TUSC3: variants seen among roughly 807,000 people sequenced by gnomAD.
The protein encoded by TUSC3 is tumor suppressor candidate 3.
A neutral mutation model predicts 44.8 loss-of-function variants in TUSC3; 45 were observed. That is an observed-to-expected ratio of 1.00 (90% CI 0.79 to 1.29). The LOEUF is 1.29. Among genes scored for constraint, TUSC3 ranks in the 50% most tolerant of loss-of-function variants. The pLI is 0.00. For synonymous variants in TUSC3, 212 were observed against 152.9 expected (o/e 1.39, Z -2.85); for missense variants, 519 against 437.9 (o/e 1.19, Z -1.65).
intron 2 of TUSC3, among the ~76,000 whole-genome samples, chr8:15,508,599 C>A (rs1801091233): frequency 6.6e-6 from 1 of 150,380 alleles, no homozygotes; most frequent in South Asian, 2.1e-4. Flanking sequence ...GTAGCTGGGA[C>A]TACAGGCGCC....
At chr8:15,844,976 A>C in the TUSC3 span, among the ~76,000 whole-genome samples, 2 of 152,192 alleles carry the variant, frequency 1.3e-5, no homozygotes, top group Admixed American at 1.3e-4. Flanking sequence ...CAAAATAATA[A>C]GAAAACTTAA....
intron 1 of TUSC3, among the ~76,000 whole-genome samples, chr8:15,449,160 T>C (rs1457495910): frequency 2.0e-5 from 3 of 152,172 alleles, no homozygotes. Flanking sequence ...TGAAAACAGG[T>C]ATTTCCAGAG....
chr8:15,510,109 G>A (rs1351107250), intron 2 of TUSC3, among the ~76,000 whole-genome samples: 2 of 152,140 alleles, frequency 1.3e-5, no homozygotes, highest in African/African-American at 2.4e-5. Context: ...AGAGTTCAAG[G>A]TTACAGTGAG....
At chr8:15,519,383 T>C (rs1342254753) in intron 2 of TUSC3, among the ~76,000 whole-genome samples, 1 of 152,162 alleles carries the variant, frequency 6.6e-6, no homozygotes, top group Non-Finnish European at 1.5e-5. Flanking sequence ...TCAACAAGCT[T>C]ATTACTCATA....
intron 1 of TUSC3, among the ~76,000 whole-genome samples, chr8:15,614,735 T>C (rs1438630783): frequency 6.6e-6 from 1 of 152,156 alleles, no homozygotes; most frequent in Non-Finnish European, 1.5e-5. Context: ...TTTAAAGTCA[T>C]GCTTGTACAA....
intron 9 of TUSC3, among the ~76,000 whole-genome samples, chr8:15,753,295 G>A (rs75379557): frequency 0.016 from 2,471 of 151,996 alleles, 133 homozygotes; most frequent in East Asian, 0.14. Context: ...CAGCTCTTTT[G>A]AGAACTGTCA....
chr8:15,743,538 A>T lies in TUSC3; in HGVS notation c.863A>T (p.Asn288Ile), dbSNP rs767851145. The T allele has an allele frequency of 1.9e-5, 31 of 1,613,854 alleles. No homozygotes were observed. Among genetic ancestry groups the T allele is most frequent in the Non-Finnish European group, 2.5e-5 (30 of 1,179,852 alleles). Reference sequence around the variant, plus strand: ...ACGGCTTCCTTGACAACTACTGCAGATGCCGCTATCACCATGGGGATGGTT... The same window carrying T: ...ACGGCTTCCTTGACAACTACTGCAGTTGCCGCTATCACCATGGGGATGGTT... Reference protein sequence around the residue: ...VAESHIILVLNAAITMGMVLL... With the variant: ...VAESHIILVLIAAITMGMVLL... The change falls in exon 8 of 11, where the codon AAT (asparagine) becomes ATT (isoleucine). Residue 288 changes from asparagine (N) to isoleucine (I), a missense_variant and splice_region_variant. By Grantham distance (149) the Asn-to-Ile change is moderately radical. Coordinates refer to ENST00000503731, the MANE Select transcript of TUSC3 (RefSeq NM_006765.4).
chr8:15,523,330 C>T (rs553151801), intron 2 of TUSC3, among the ~76,000 whole-genome samples: 1 of 152,074 alleles, frequency 6.6e-6, no homozygotes, highest in South Asian at 2.1e-4. Flanking sequence ...GCACAGGGAT[C>T]TCTGAGAGCG....
chr8:15,619,129 T>G (rs147286396), intron 1 of TUSC3, among the ~76,000 whole-genome samples: 10 of 152,336 alleles, frequency 6.6e-5, no homozygotes, highest in African/African-American at 2.2e-4. Flanking sequence ...TACTGGTATT[T>G]TAGCCTAGTT....
At chr8:15,551,262 A>G (rs1274007587) in intron 1 of TUSC3, among the ~76,000 whole-genome samples, 3 of 151,706 alleles carry the variant, frequency 2.0e-5, no homozygotes, top group Non-Finnish European at 4.4e-5. Context: ...AAACTACTAG[A>G]GTAGACTTTT....
chr8:15,551,600 A>C (rs1802062394), intron 1 of TUSC3, among the ~76,000 whole-genome samples: 1 of 151,766 alleles, frequency 6.6e-6, no homozygotes, highest in African/African-American at 2.4e-5. Context: ...CCATAAATTA[A>C]ATCAGTAAGC....
chr8:15,761,038 T>C (rs1172092511), intron 10 of TUSC3, among the ~76,000 whole-genome samples: 1 of 152,208 alleles, frequency 6.6e-6, no homozygotes, highest in Non-Finnish European at 1.5e-5. Flanking sequence ...GTCATTTCAT[T>C]TTCTGCAACA....
intron 1 of TUSC3, among the ~76,000 whole-genome samples, chr8:15,568,310 G>A (rs1370661686): frequency 6.6e-6 from 1 of 152,114 alleles, no homozygotes; most frequent in Non-Finnish European, 1.5e-5. Context: ...TGTTCTGGGT[G>A]CCATCAATGC....
At chr8:15,515,455 A>G (rs1465931975) in intron 2 of TUSC3, among the ~76,000 whole-genome samples, 1 of 152,134 alleles carries the variant, frequency 6.6e-6, no homozygotes, top group African/African-American at 2.4e-5. Context: ...TATTTATAGT[A>G]TGAACAGTCA....
chr8:15,471,873 C>T (rs902531419), intron 1 of TUSC3, among the ~76,000 whole-genome samples: 1 of 152,114 alleles, frequency 6.6e-6, no homozygotes, highest in African/African-American at 2.4e-5. Flanking sequence ...CGACCCCTGC[C>T]TCCCAAAGTG....
At chr8:15,547,637 A>C (rs1276715294) in intron 1 of TUSC3, among the ~76,000 whole-genome samples, 1 of 145,196 alleles carries the variant, frequency 6.9e-6, no homozygotes, top group African/African-American at 2.5e-5. Flanking sequence ...TATAGGTTGA[A>C]ATCCTAACTT....
intron 7 of TUSC3, among the ~76,000 whole-genome samples, chr8:15,740,709 G>C (rs1315198852): frequency 1.3e-5 from 2 of 152,154 alleles, no homozygotes; most frequent in Non-Finnish European, 2.9e-5. Flanking sequence ...GCTCATTTTA[G>C]AGAGCAGTAT....
intron 7 of TUSC3, among the ~76,000 whole-genome samples, chr8:15,731,565 C>T (rs1182485573): frequency 6.6e-6 from 1 of 152,084 alleles, no homozygotes; most frequent in Non-Finnish European, 1.5e-5. Flanking sequence ...AACACTAGAG[C>T]CCACAAAGGG....
intron 7 of TUSC3, among the ~76,000 whole-genome samples, chr8:15,736,224 G>A (rs1232276848): frequency 6.6e-6 from 1 of 152,088 alleles, no homozygotes; most frequent in Admixed American, 6.6e-5. Context: ...AAAGGAAGAG[G>A]AAGACACACA....
Sources: gnomAD v4.1 joint callset for allele counts (sites outside exome capture counted in the v4.1 genomes callset) on GRCh38, gnomAD v4.1.1 for gene constraint, MANE v1.5 for transcripts, NCBI Gene and HGNC (gene_info 2026-07-23, HGNC 2026-07-21) for gene names.